SHPK: variants seen among roughly 807,000 people sequenced by gnomAD.
SHPK encodes sedoheptulokinase.
A neutral mutation model predicts 46.3 loss-of-function variants in SHPK; 51 were observed. The ratio of observed to expected loss-of-function variants is 1.10; its 90% CI spans 0.88 to 1.39. The LOEUF is 1.39. Among genes scored for constraint, SHPK ranks in the 40% most tolerant of loss-of-function variants. The pLI, the probability that SHPK is intolerant of heterozygous loss-of-function variation, is 0.00. For missense variants in SHPK, 668 were observed against 641.3 expected (o/e 1.04, Z -0.45); for synonymous variants, 290 against 273.9 (o/e 1.06, Z -0.58).
intron 5 of SHPK, among the ~76,000 whole-genome samples, chr17:3,616,530 CAGA>C (rs1362843287): frequency 6.6e-6 from 1 of 152,194 alleles, no homozygotes; most frequent in Non-Finnish European, 1.5e-5. Context: ...CCACCCCACT[CAGA>C]ATCCTGACCC....
intron 2 of SHPK, among the ~76,000 whole-genome samples, chr17:3,626,937 C>T (rs2075442116): frequency 6.6e-6 from 1 of 152,022 alleles, no homozygotes; most frequent in African/African-American, 2.4e-5. Flanking sequence ...TTTCCACTCC[C>T]TTTGCCAACT....
At chr17:3,614,526 AAAAAG>A (rs150410890) in intron 6 of SHPK, among the ~76,000 whole-genome samples, 4,826 of 146,342 alleles carry the variant, frequency 0.033, 95 homozygotes, top group East Asian at 0.067. Context: ...CTCCATCTCA[AAAAAG>A]AAAAGAAAAG....
chr17:3,614,247 G>A (rs534404916), intron 6 of SHPK, among the ~76,000 whole-genome samples: 4 of 152,152 alleles, frequency 2.6e-5, no homozygotes, highest in East Asian at 3.9e-4. Flanking sequence ...ACATCAGGGC[G>A]AGCGCAGTGG....
In SHPK at chr17:3,623,503, A is replaced by T. The variant is rs1416794133; in HGVS notation, c.495-12T>A. On this transcript the variant is annotated splice_polypyrimidine_tract_variant and intron_variant, in intron 3 of 6. Coordinates refer to ENST00000225519, the MANE Select transcript of SHPK (RefSeq NM_013276.4). ...TCAGGAACTCTGGGCTGTTTTTCATACCAAAAACAACCAACACGGTATAAC... is the reference window on the plus strand; with the variant it reads ...TCAGGAACTCTGGGCTGTTTTTCATTCCAAAAACAACCAACACGGTATAAC... 11 of 1,613,066 alleles carry T rather than the reference A, an allele frequency of 6.8e-6. No homozygotes were observed. Among genetic ancestry groups the T allele is most frequent in the Non-Finnish European group, 8.5e-6 (10 of 1,179,342 alleles).
Position 3,609,448 on chromosome 17 carries a change from T to G in SHPK, c.*1112A>C, listed in dbSNP as rs1413100407. 6.6e-6 allele frequency: 1 copy of G among 151,956 alleles called. No individual in the cohort carries two copies. Among genetic ancestry groups the G allele is most frequent in the East Asian group, 1.9e-4 (1 of 5,172 alleles). The allele number at this position is 151,956 out of a possible 1,614,324, so 9.4% of individuals were successfully genotyped here. A position where few individuals can be genotyped will look rare whatever the true frequency, so the allele number is the denominator to read the frequency against. On this transcript the variant is annotated 3_prime_UTR_variant, in exon 7 of 7. Transcript: ENST00000225519. ...GGGAGTCTAGAAGTAGATGCGGCAA[T>G]GGTGGCCCCCTCCTGGAAGCCACCC...
intron 2 of SHPK, among the ~76,000 whole-genome samples, chr17:3,625,438 A>T (rs1380632218): frequency 6.6e-6 from 1 of 152,212 alleles, no homozygotes; most frequent in Admixed American, 6.5e-5. Context: ...ATCAGCCTTC[A>T]GGTAAGAAGT....
chr17:3,619,833 G>C lies in SHPK; in HGVS notation c.823+1404C>G, dbSNP rs187597735. On this transcript the variant is annotated intron_variant, in intron 5 of 6. Coordinates refer to ENST00000225519, the MANE Select transcript of SHPK (RefSeq NM_013276.4). ...CTGCTTTAAGATTGAGTATAGCTTG[G>C]TTCCTCTCCTCTGCTGTCTACCTGT... The C allele has an allele frequency of 1.5e-3, 639 of 420,990 alleles. 6 individuals are homozygous for C. The highest frequency in any genetic ancestry group is 0.012 in the African/African-American group (563 of 46,540). The allele number at this position is 420,990 out of a possible 1,614,324, so 26.1% of individuals were successfully genotyped here.
Position 3,615,448 on chromosome 17 carries a change from C to G in SHPK, c.913G>C (p.Ala305Pro). The G allele has an allele frequency of 1.2e-6, 2 of 1,614,132 alleles. No individual in the cohort carries two copies. The highest frequency in any genetic ancestry group is 1.7e-6 in the Non-Finnish European group (2 of 1,180,000). The change falls in exon 6 of 7, where the codon GCC becomes CCC. Residue 305 changes from alanine (A) to proline (P), a missense_variant. By Grantham distance (27) the Ala-to-Pro change is conservative. Transcript: ENST00000225519. ...AQTPDPTAPV[A>P]YFPYFNRTYL... ...GTCCTGTTGAAGTATGGGAAGTAGG[C>G]GACTGGGGCCGTAGGGTCTGGAGTC... is the stretch of plus-strand genomic sequence containing the variant.
At chr17:3,635,207 AAGGAAGGAAGGAAGG>A (rs2150878089) in intron 1 of SHPK, among the ~76,000 whole-genome samples, 1 of 122,866 alleles carries the variant, frequency 8.1e-6, no homozygotes, top group Admixed American at 8.7e-5. Context: ...GGAAGGAAGG[AAGGAAGGAAGGAAGG>A]AAGGAAGGAA....
chr17:3,612,053 C>A (rs1410215066), intron 6 of SHPK, among the ~76,000 whole-genome samples: 1 of 151,806 alleles, frequency 6.6e-6, no homozygotes, highest in Non-Finnish European at 1.5e-5. Flanking sequence ...ATCTACCTGC[C>A]TCAGCCTTCC....
At chr17:3,625,788 C>A (rs1371745972) in intron 2 of SHPK, among the ~76,000 whole-genome samples, 9 of 152,196 alleles carry the variant, frequency 5.9e-5, no homozygotes, top group Non-Finnish European at 1.5e-5. Context: ...CACGGTGGCT[C>A]ACGCCTATAA....
chr17:3,635,240 A>AGGAAGGGAG (rs2075508665), intron 1 of SHPK, among the ~76,000 whole-genome samples: 1 of 140,248 alleles, frequency 7.1e-6, no homozygotes, highest in African/African-American at 2.5e-5. Flanking sequence ...GAAGGAAGGA[A>AGGAAGGGAG]GGAAGGGAAG....
chr17:3,624,811 G>A (rs1319495482), intron 2 of SHPK, among the ~76,000 whole-genome samples: 6 of 151,816 alleles, frequency 4.0e-5, no homozygotes, highest in African/African-American at 1.5e-4. Flanking sequence ...ACGCCACCAC[G>A]CCCAGCTAAT....
At chr17:3,621,738 C>T (rs2075404752) in intron 4 of SHPK, among the ~76,000 whole-genome samples, 2 of 151,088 alleles carry the variant, frequency 1.3e-5, no homozygotes, top group Admixed American at 1.3e-4. Flanking sequence ...CTGCAACCTC[C>T]ACCTCCCAGG....
In SHPK at chr17:3,624,119, G is replaced by A; in HGVS notation, c.423C>T (p.Pro141=). The change falls in exon 3 of 7, where the codon CCC becomes CCT. Residue 141 remains proline, a synonymous_variant. Coordinates refer to ENST00000225519, the MANE Select transcript of SHPK (RefSeq NM_013276.4). ...CCACACTGAGATGAGACTTCGGCTGGGGCAGAGAGGCCAGGAATTCGCTGC... is the reference window on the plus strand; with the variant it reads ...CCACACTGAGATGAGACTTCGGCTGAGGCAGAGAGGCCAGGAATTCGCTGC... The part of the protein sequence containing the change: ...RCSSEFLASL[P]QPKSHLSVAT... 1.9e-6 allele frequency: 3 copies of A among 1,614,134 alleles called. No individual in the cohort carries two copies. Among genetic ancestry groups the A allele is most frequent in the African/African-American group, 2.7e-5 (2 of 75,058 alleles).
chr17:3,630,442 G>A (rs1024691233), intron 1 of SHPK, 96 bp from the exon 2 acceptor site: 10 of 1,288,166 alleles, frequency 7.8e-6, no homozygotes, highest in South Asian at 7.4e-5. Context: ...AATGCAGTGG[G>A]CAGCATCCAC....
intron 5 of SHPK, among the ~76,000 whole-genome samples, chr17:3,615,850 ATT>A (rs201449504): frequency 0.1 from 11,222 of 107,648 alleles, 630 homozygotes; most frequent in South Asian, 0.17. Flanking sequence ...GATCAAAGGA[ATT>A]TTTTTTTTTT....
chr17:3,616,954 G>A (rs961229837), intron 5 of SHPK, among the ~76,000 whole-genome samples: 1 of 151,984 alleles, frequency 6.6e-6, no homozygotes, highest in Admixed American at 6.6e-5. Flanking sequence ...GGCCAGGCTG[G>A]TCTCGAACTC....
intron 1 of SHPK, 88 bp from the exon 2 acceptor site, chr17:3,630,434 T>C: frequency 1.5e-6 from 2 of 1,348,326 alleles, no homozygotes; most frequent in Non-Finnish European, 2.0e-6. Flanking sequence ...GGAGGAGGAA[T>C]GCAGTGGGCA....
Sources: allele counts gnomAD v4.1 joint callset (sites outside exome capture counted in the v4.1 genomes callset), GRCh38; gene constraint gnomAD v4.1.1; transcripts MANE v1.5; gene names NCBI Gene and HGNC (gene_info 2026-07-23, HGNC 2026-07-21).